MIPOL1: variants seen among roughly 807,000 people sequenced by gnomAD.
The protein encoded by MIPOL1 is mirror-image polydactyly gene 1 protein.
MIPOL1 carries 57 observed loss-of-function variants against 60.9 expected under a neutral mutation model. That is an observed-to-expected ratio of 0.94 (90% CI 0.76 to 1.17). The LOEUF (loss-of-function observed/expected upper bound fraction) is 1.17. MIPOL1 is among the 50% of genes most tolerant of loss of function. The pLI, the probability that MIPOL1 is intolerant of heterozygous loss-of-function variation, is 0.00. For missense variants in MIPOL1, 551 were observed against 511.6 expected (o/e 1.08, Z -0.74); for synonymous variants, 179 against 168.8 (o/e 1.06, Z -0.47).
chr14:37,514,282 A>G (rs1468628964), intron 12 of MIPOL1, among the ~76,000 whole-genome samples: 1 of 152,148 alleles, frequency 6.6e-6, no homozygotes, highest in African/African-American at 2.4e-5. Flanking sequence ...TGAAGTTAGG[A>G]GTACTCAACT....
intron 11 of MIPOL1, among the ~76,000 whole-genome samples, chr14:37,493,192 A>G (rs1270876198): frequency 3.3e-5 from 5 of 152,140 alleles, no homozygotes; most frequent in East Asian, 1.9e-4. Context: ...TAGCATCAAA[A>G]CTTGGTATAA....
intron 9 of MIPOL1, among the ~76,000 whole-genome samples, chr14:37,361,712 A>G (rs955373886): frequency 5.9e-5 from 8 of 135,260 alleles, no homozygotes; most frequent in Admixed American, 1.8e-4. Flanking sequence ...GGTTCATGCC[A>G]TTCTCCTGCC....
At chr14:37,227,498 G>C (rs1203520257) in intron 1 of MIPOL1, among the ~76,000 whole-genome samples, 3 of 152,138 alleles carry the variant, frequency 2.0e-5, no homozygotes, top group African/African-American at 7.2e-5. Flanking sequence ...GTTTGTGTGT[G>C]TGTATGTGTG....
In MIPOL1 at chr14:37,390,214, C is replaced by T. The variant is rs192126706; in HGVS notation, c.936+20590C>T. On this transcript the variant is annotated intron_variant, in intron 10 of 12. Coordinates refer to ENST00000684589, the MANE Select transcript of MIPOL1 (RefSeq NM_001388067.1). ...AGCCTGGGCAACAAGAGCAAAACTCCTTCTCAAGAAAAAAAACAAAAAACA... is the reference window on the plus strand; with the variant it reads ...AGCCTGGGCAACAAGAGCAAAACTCTTTCTCAAGAAAAAAAACAAAAAACA... 1.8e-4 allele frequency among the ~76,000 whole-genome samples: 27 copies of T among 151,918 alleles called. 1 individual carries two copies. The highest frequency in any genetic ancestry group is 1.8e-3 in the Admixed American group (27 of 15,252).
chr14:37,204,235 C>T (rs1965743749), intron 1 of MIPOL1, among the ~76,000 whole-genome samples: 1 of 152,154 alleles, frequency 6.6e-6, no homozygotes, highest in African/African-American at 2.4e-5. Flanking sequence ...AAGCAACACT[C>T]AATTTCTGAT....
At chr14:37,297,985 A>C (rs1303558455) in intron 7 of MIPOL1, among the ~76,000 whole-genome samples, 1 of 152,230 alleles carries the variant, frequency 6.6e-6, no homozygotes, top group Non-Finnish European at 1.5e-5. Context: ...AAGAGCCCGC[A>C]TCGCCAAGTC....
chr14:37,358,865 T>C (rs1284580415), intron 9 of MIPOL1, among the ~76,000 whole-genome samples: 1 of 152,218 alleles, frequency 6.6e-6, no homozygotes, highest in Admixed American at 6.5e-5. Context: ...ATTTTGGCTT[T>C]TGTTGCCCTT....
chr14:37,471,770 T>C (rs2094692364), intron 11 of MIPOL1, among the ~76,000 whole-genome samples: 1 of 152,174 alleles, frequency 6.6e-6, no homozygotes, highest in Admixed American at 6.5e-5. Flanking sequence ...TACGTGTTCC[T>C]CCCTGTACCT....
At chr14:37,521,914 T>A (rs1311597495) in intron 12 of MIPOL1, among the ~76,000 whole-genome samples, 2 of 125,204 alleles carry the variant, frequency 1.6e-5, no homozygotes, top group African/African-American at 2.8e-5. Context: ...ATATATATTT[T>A]TTTTTTCTTT....
chr14:37,454,044 A>G (rs756911634), intron 11 of MIPOL1, among the ~76,000 whole-genome samples: 1 of 152,234 alleles, frequency 6.6e-6, no homozygotes, highest in Non-Finnish European at 1.5e-5. Flanking sequence ...AAGTTTTTCA[A>G]CAGCTATTTA....
chr14:37,383,788 ATCT>A (rs1171072016), intron 10 of MIPOL1, among the ~76,000 whole-genome samples: 7 of 152,024 alleles, frequency 4.6e-5, no homozygotes, highest in African/African-American at 1.7e-4. Context: ...GTAAGTAGTA[ATCT>A]TCTTTCTAAT....
chr14:37,261,508 A>G (rs2082518463), intron 3 of MIPOL1, among the ~76,000 whole-genome samples: 1 of 152,096 alleles, frequency 6.6e-6, no homozygotes, highest in African/African-American at 2.4e-5. Flanking sequence ...AACTAGAATA[A>G]TAACTAGGAA....
At chr14:37,315,491 T>G (rs1265755927) in intron 9 of MIPOL1, among the ~76,000 whole-genome samples, 1 of 152,178 alleles carries the variant, frequency 6.6e-6, no homozygotes, top group Non-Finnish European at 1.5e-5. Flanking sequence ...GTGATGGTGG[T>G]TCAGAGGAAC....
At chr14:37,202,284 A>G (rs899409206) in intron 1 of MIPOL1, among the ~76,000 whole-genome samples, 3 of 152,086 alleles carry the variant, frequency 2.0e-5, no homozygotes, top group South Asian at 2.1e-4. Context: ...TGTTATGCAG[A>G]TAGATTTAAG....
At chr14:37,329,806 T>C (rs551282995) in intron 9 of MIPOL1, among the ~76,000 whole-genome samples, 1 of 152,308 alleles carries the variant, frequency 6.6e-6, no homozygotes, top group East Asian at 1.9e-4. Flanking sequence ...TCTGTCCTTT[T>C]ATGCAATAAC....
At chr14:37,511,427 ACT>A (rs1014379669) in intron 12 of MIPOL1, among the ~76,000 whole-genome samples, 3 of 152,208 alleles carry the variant, frequency 2.0e-5, no homozygotes, top group African/African-American at 7.2e-5. Flanking sequence ...GGTAAAGGGA[ACT>A]AAAGAGCAGC....
intron 9 of MIPOL1, among the ~76,000 whole-genome samples, chr14:37,363,136 C>T (rs532927981): frequency 6.6e-6 from 1 of 152,252 alleles, no homozygotes; most frequent in South Asian, 2.1e-4. Flanking sequence ...CATTCTGCAT[C>T]TAGCTTTGTT....
chr14:37,308,408 G>C lies in MIPOL1; in HGVS notation c.717G>C (p.Lys239Asn), dbSNP rs142293844. ...NNADTGIAIQ[K>N]NGAIIVDRIY... ...CAGACACAGGGATAGCTATTCAGAA[G>C]AATGGAGCTATAATTGTGGATAGAA... Residue 239 changes from lysine to asparagine, a missense_variant, in exon 9 of 13, where the codon AAG becomes AAC. Physicochemically the swap from Lys to Asn is moderately conservative, Grantham distance 94. Coordinates refer to ENST00000684589, the MANE Select transcript of MIPOL1 (RefSeq NM_001388067.1). 9.3e-6 allele frequency: 15 copies of C among 1,604,656 alleles called. No homozygotes were observed. Among genetic ancestry groups the C allele is most frequent in the Non-Finnish European group, 1.2e-5 (14 of 1,176,522 alleles).
At chr14:37,317,934 C>T (rs1381771957) in intron 9 of MIPOL1, among the ~76,000 whole-genome samples, 1 of 152,114 alleles carries the variant, frequency 6.6e-6, no homozygotes, top group African/African-American at 2.4e-5. Context: ...AACTTGCAAA[C>T]AATTTCCTCC....
Sources: allele counts gnomAD v4.1 joint callset (sites outside exome capture counted in the v4.1 genomes callset), GRCh38; gene constraint gnomAD v4.1.1; transcripts MANE v1.5; gene names NCBI Gene and HGNC (gene_info 2026-07-23, HGNC 2026-07-21).